Variants in NLRP5 observed in about 807,000 individuals in gnomAD.
NLRP5 encodes the protein NLR family pyrin domain containing 5.
In NLRP5, 93 loss-of-function variants were observed where a neutral mutation model predicts 113.1. That is an observed-to-expected ratio of 0.82 (90% CI 0.70 to 0.98). The LOEUF is 0.98. Among genes scored for constraint, NLRP5 ranks in the 50% least tolerant of loss-of-function variants. The pLI, the probability that NLRP5 is intolerant of heterozygous loss-of-function variation, is 0.00. For synonymous variants in NLRP5, 751 were observed against 600.7 expected (o/e 1.25, Z -3.66); for missense variants, 1,808 against 1,514.3 (o/e 1.19, Z -3.22).
chr19:56,055,533 C>CTTTTTTTTTTTTTTT lies in NLRP5; in HGVS notation c.3299+1726_3299+1727insTTTTTTTTTTTTTTT, dbSNP rs1491011983. Among the ~76,000 whole-genome samples the CTTTTTTTTTTTTTTT allele has an allele frequency of 1.9e-4, 19 of 99,486 alleles. 2 individuals are homozygous for CTTTTTTTTTTTTTTT. Among genetic ancestry groups the CTTTTTTTTTTTTTTT allele is most frequent in the Admixed American group, 7.4e-4 (6 of 8,096 alleles). The allele number at this position is 99,486 out of a possible 152,430, so 65.3% of individuals were successfully genotyped here. ...AGCTCCATGTTCTATTTTTCTTTCT[C>CTTTTTTTTTTTTTTT]TGTCTTTTTTTTTTTTTTTTTTTTT... On this transcript the variant is annotated intron_variant, in intron 13 of 14. Coordinates refer to ENST00000390649, the MANE Select transcript of NLRP5 (RefSeq NM_153447.4).
At chr19:56,004,238 C>A in intron 2 of NLRP5, 143 bp downstream of exon 2, 3 of 888,742 alleles carry the variant, frequency 3.4e-6, no homozygotes, top group African/African-American at 1.7e-5. Context: ...TATTGGTCAT[C>A]GTCATTGGTT....
the NLRP5 span, chr19:55,988,036 C>T: frequency 2.8e-6 from 2 of 708,702 alleles, no homozygotes; most frequent in Non-Finnish European, 5.0e-6. Context: ...GCAACCCAGT[C>T]AACACCACAG....
chr19:55,993,866 C>A, the NLRP5 span, among the ~76,000 whole-genome samples: 1 of 151,100 alleles, frequency 6.6e-6, no homozygotes, highest in Non-Finnish European at 1.5e-5. Context: ...TGTGTGTATA[C>A]CACGTTTTCT....
At position 56,060,215 on chromosome 19, in the gene NLRP5, G is replaced by A. The variant is rs755809543; in HGVS notation, c.3471-1181G>A. ...TTGAAGTAGGATAGAAGTCAGACCTGGATTTACTGATTGACCTATTATGGG... is the reference window on the plus strand; with the variant it reads ...TTGAAGTAGGATAGAAGTCAGACCTAGATTTACTGATTGACCTATTATGGG... On this transcript the variant is annotated intron_variant, in intron 14 of 14. Transcript: ENST00000390649. Among the ~76,000 whole-genome samples the A allele has an allele frequency of 1.7e-4, 26 of 152,280 alleles. 1 individual carries two copies. Among genetic ancestry groups the A allele is most frequent in the Middle Eastern group, 3.4e-3 (1 of 294 alleles).
chr19:56,010,443 A>G lies in NLRP5; in HGVS notation c.508+1590A>G, dbSNP rs566387557. Among the ~76,000 whole-genome samples, 5 of 152,142 alleles carry G rather than the reference A, an allele frequency of 3.3e-5. No homozygotes were observed. The East Asian group carries it at 9.7e-4, about 29-fold the overall frequency. On this transcript the variant is annotated intron_variant, in intron 3 of 14. Coordinates refer to ENST00000390649, the MANE Select transcript of NLRP5 (RefSeq NM_153447.4). ...CGTCGTTGCTCCTGATGGGCTGGGT[A>G]TGGAAAGATGTCCCTCAAAGGCTGG...
At chr19:56,026,672 G>C (rs532943060) in intron 6 of NLRP5, among the ~76,000 whole-genome samples, 1 of 151,448 alleles carries the variant, frequency 6.6e-6, no homozygotes, top group Non-Finnish European at 1.5e-5. Context: ...TCCATCTCCC[G>C]GGTTCAAGCA....
At chr19:56,007,869 T>TTG (rs140570438) in intron 2 of NLRP5, among the ~76,000 whole-genome samples, 3,902 of 85,774 alleles carry the variant, frequency 0.045, 535 homozygotes, top group African/African-American at 0.092. Context: ...ACAAGACAGT[T>TTG]TGTGTGTGTG....
intron 11 of NLRP5, among the ~76,000 whole-genome samples, chr19:56,046,300 A>C (rs1237577960): frequency 6.6e-6 from 1 of 152,086 alleles, no homozygotes; most frequent in Admixed American, 6.5e-5. Context: ...AACCCACTTG[A>C]TCATGGTGGA....
chr19:56,026,776 C>G, intron 6 of NLRP5, 137 bp from the exon 7 acceptor site: 1 of 824,520 alleles, frequency 1.2e-6, no homozygotes, highest in East Asian at 2.7e-5. Context: ...CGGGGCTTTG[C>G]CATTGACCAG....
intron 9 of NLRP5, among the ~76,000 whole-genome samples, chr19:56,037,587 G>T (rs1004055878): frequency 6.6e-6 from 1 of 151,776 alleles, no homozygotes; most frequent in African/African-American, 2.4e-5. Context: ...CAGCTACTCA[G>T]GAGGCTGAGG....
In NLRP5 at chr19:56,058,417, C is replaced by A. The variant is rs757839470; in HGVS notation, c.3470+7C>A. 15 of 1,605,872 alleles carry A rather than the reference C, an allele frequency of 9.3e-6. No homozygotes were observed. Among genetic ancestry groups the A allele is most frequent in the African/African-American group, 1.3e-5 (1 of 74,790 alleles). ...CTAACTTACAGATAATTGGGTAAGT[C>A]GCCAGCAATTGTCTTCTGAGATACA... On this transcript the variant is annotated splice_region_variant and intron_variant, in intron 14 of 14. Coordinates refer to ENST00000390649, the MANE Select transcript of NLRP5 (RefSeq NM_153447.4).
At chr19:56,009,725 C>T (rs540052953) in intron 3 of NLRP5, among the ~76,000 whole-genome samples, 24 of 152,272 alleles carry the variant, frequency 1.6e-4, no homozygotes, top group African/African-American at 5.5e-4. Flanking sequence ...CTGCTACCTG[C>T]GCCGCTACCA....
At chr19:56,057,645 T>A (rs1294367944) in intron 13 of NLRP5, among the ~76,000 whole-genome samples, 2 of 152,200 alleles carry the variant, frequency 1.3e-5, no homozygotes, top group African/African-American at 4.8e-5. Context: ...CTTTCTTTCA[T>A]TGTTTTCCAC....
intron 11 of NLRP5, among the ~76,000 whole-genome samples, chr19:56,042,633 A>G (rs576277572): frequency 6.6e-6 from 1 of 152,254 alleles, no homozygotes; most frequent in Admixed American, 6.5e-5. Context: ...ATGAGCCACC[A>G]TGCCCAGCCA....
chr19:56,042,846 G>A (rs768108813), intron 11 of NLRP5, among the ~76,000 whole-genome samples: 16 of 152,144 alleles, frequency 1.1e-4, no homozygotes, highest in East Asian at 5.8e-4. Context: ...GAAAATATAC[G>A]ATGTTTGGTT....
upstream of NLRP5, chr19:55,999,579 A>G: frequency 3.0e-6 from 2 of 667,690 alleles, no homozygotes; most frequent in East Asian, 2.6e-5. Context: ...GTTCCCATGC[A>G]TGCTCTGTGC....
rs928542497 is a variant in NLRP5 at position 56,037,897 on chromosome 19, C to T, written c.2616-128C>T. 2.8e-5 allele frequency: 25 copies of T among 901,024 alleles called. No individual in the cohort carries two copies. In the East Asian group the frequency reaches 5.0e-4, roughly 18 times the overall value. The allele number at this position is 901,024 out of a possible 1,614,324, so 55.8% of individuals were successfully genotyped here. On this transcript the variant is annotated intron_variant, in intron 9 of 14. Coordinates refer to ENST00000390649, the MANE Select transcript of NLRP5 (RefSeq NM_153447.4). ...GGAAGGAACAGCAACTTCTCAGGCC[C>T]GGAGGCAGGAGCAGACAGAGTTCGA... is the stretch of plus-strand genomic sequence containing the variant.
chr19:56,010,020 G>A (rs1049585581), intron 3 of NLRP5, among the ~76,000 whole-genome samples: 12 of 152,162 alleles, frequency 7.9e-5, no homozygotes, highest in African/African-American at 2.4e-4. Flanking sequence ...TTACCAAATG[G>A]TGGCTTAGAG....
In NLRP5 at chr19:56,032,773, G is replaced by A. The variant is rs768442450; in HGVS notation, c.2439G>A (p.Gln813=). The A allele has an allele frequency of 2.5e-6, 4 of 1,608,006 alleles. No homozygotes were observed. Among genetic ancestry groups the A allele is most frequent in the African/African-American group, 1.3e-5 (1 of 74,948 alleles). Residue 813 remains glutamine (Q), a synonymous_variant, in exon 8 of 15, where the codon CAG becomes CAA. Coordinates refer to ENST00000390649, the MANE Select transcript of NLRP5 (RefSeq NM_153447.4). ...TGAGGCATCCCACCTGCAAGATACA[G>A]ACCCTGATGTAAGGCTGCCCGCCCC... is the stretch of plus-strand genomic sequence containing the variant.
Sources: allele counts gnomAD v4.1 joint callset (sites outside exome capture counted in the v4.1 genomes callset), GRCh38; gene constraint gnomAD v4.1.1; transcripts MANE v1.5; gene names NCBI Gene and HGNC (gene_info 2026-07-23, HGNC 2026-07-21).